The following KIAA1549 variants were observed in gnomAD, a reference collection of about 807,000 sequenced individuals.
KIAA1549 encodes KIAA1549.
KIAA1549 carries 70 observed loss-of-function variants against 156.4 expected under a neutral mutation model. The ratio of observed to expected loss-of-function variants is 0.45; its 90% CI spans 0.37 to 0.55. KIAA1549 has a LOEUF of 0.55. Among genes scored for constraint, KIAA1549 ranks in the 20% least tolerant of loss-of-function variants. The pLI, the probability that KIAA1549 is intolerant of heterozygous loss-of-function variation, is 0.00. For synonymous variants in KIAA1549, 1,103 were observed against 1,066.4 expected (o/e 1.03, Z -0.67); for missense variants, 2,428 against 2,540.9 (o/e 0.96, Z 0.96).
At chr7:138,852,348 G>A in intron 16 of KIAA1549, 79 bp from the exon 17 acceptor site, 1 of 933,702 alleles carries the variant, frequency 1.1e-6, no homozygotes, top group Admixed American at 2.8e-5. Context: ...TATAAATTCA[G>A]CTTTACAGGA....
At chr7:138,851,787 G>A (rs1810241220) in intron 17 of KIAA1549, among the ~76,000 whole-genome samples, 1 of 152,082 alleles carries the variant, frequency 6.6e-6, no homozygotes, top group African/African-American at 2.4e-5. Flanking sequence ...TGTTTACCAG[G>A]GTCTCCCCTC....
intron 17 of KIAA1549, among the ~76,000 whole-genome samples, chr7:138,847,017 T>C (rs1810097436): frequency 6.6e-6 from 1 of 152,204 alleles, no homozygotes; most frequent in Non-Finnish European, 1.5e-5. Flanking sequence ...CCGTGAGGCA[T>C]GCTCCTCCTT....
rs774563155 is a variant in KIAA1549 at position 138,906,974 on chromosome 7, C to G, written c.3405G>C (p.Leu1135Phe). 22 of 1,613,118 alleles carry G rather than the reference C, an allele frequency of 1.4e-5. No individual in the cohort carries two copies. In the African/African-American group the frequency reaches 2.5e-4, roughly 19 times the overall value. Residue 1135 changes from leucine (L) to phenylalanine (F), a missense_variant, in exon 6 of 20, where the codon TTG (leucine) becomes TTC (phenylalanine). By Grantham distance (22) the Leu-to-Phe change is conservative. Coordinates refer to ENST00000422774, the MANE Select transcript of KIAA1549 (RefSeq NM_001164665.2). ...GATAGAAACTGAACTCCACCACACT[C>G]AAGTTTCTGAGCAGCTCGCTCACTT... ...GSEVSELLRN[L>F]SVVEFSFYLG... is the part of the protein sequence containing the mutation.
At chr7:138,870,728 T>C (rs1166141458) in intron 13 of KIAA1549, among the ~76,000 whole-genome samples, 1 of 152,234 alleles carries the variant, frequency 6.6e-6, no homozygotes, top group Admixed American at 6.5e-5. Context: ...TTAAGAATCC[T>C]TGTCAGCAGC....
chr7:138,965,806 C>A (rs1814006044), intron 1 of KIAA1549, among the ~76,000 whole-genome samples: 1 of 152,206 alleles, frequency 6.6e-6, no homozygotes, highest in African/African-American at 2.4e-5. Context: ...TTAATTTATA[C>A]CTTCTTTGTA....
chr7:138,901,977 G>A (rs972817709), intron 8 of KIAA1549, among the ~76,000 whole-genome samples: 13 of 152,036 alleles, frequency 8.6e-5, no homozygotes, highest in African/African-American at 2.7e-4. Context: ...ATACTTTCAC[G>A]GTGTCCTATA....
At position 138,852,202 on chromosome 7, in the gene KIAA1549, AT is replaced by A; in HGVS notation, c.5294+20del. The A allele has an allele frequency of 6.3e-7, 1 of 1,585,642 alleles. No individual in the cohort carries two copies. The highest frequency in any genetic ancestry group is 8.6e-7 in the Non-Finnish European group (1 of 1,156,720). On this transcript the variant is annotated intron_variant, in intron 17 of 19. Transcript: ENST00000422774. ...AGCCTATGTGAGAAAGTGATAATAC[AT>A]TTTGTTTTGAAAACCTTACCTTGGC...
At chr7:138,957,920 G>A (rs1412934571) in intron 1 of KIAA1549, among the ~76,000 whole-genome samples, 1 of 152,032 alleles carries the variant, frequency 6.6e-6, no homozygotes, top group East Asian at 1.9e-4. Flanking sequence ...CGTGCATTTC[G>A]CTATGGGTGC....
chr7:138,904,621 C>CAAAAA (rs768150554), intron 7 of KIAA1549, among the ~76,000 whole-genome samples: 1 of 45,732 alleles, frequency 2.2e-5, no homozygotes, highest in African/African-American at 6.2e-5. Flanking sequence ...TCCCCTAAGA[C>CAAAAA]AAAAAAAAAA....
At chr7:138,965,784 G>A (rs1814005175) in intron 1 of KIAA1549, among the ~76,000 whole-genome samples, 1 of 152,202 alleles carries the variant, frequency 6.6e-6, no homozygotes, top group Admixed American at 6.5e-5. Flanking sequence ...GATTTGGGGT[G>A]ATTTTTGCTT....
chr7:138,869,294 T>C (rs1584717152), intron 14 of KIAA1549, among the ~76,000 whole-genome samples: 1 of 151,810 alleles, frequency 6.6e-6, no homozygotes, highest in Non-Finnish European at 1.5e-5. Context: ...AGGGGCAGAG[T>C]TGAGAACAAA....
chr7:138,844,021 A>G lies in KIAA1549; in HGVS notation c.5452+296T>C, dbSNP rs118060541. On this transcript the variant is annotated intron_variant, in intron 18 of 19. Coordinates refer to ENST00000422774, the MANE Select transcript of KIAA1549 (RefSeq NM_001164665.2). ...TAACTCTTGTTTTCATGCCATCCAA[A>G]GTGCTCAGACCTAGATCTTTCCATT... is the stretch of plus-strand genomic sequence containing the variant. Among the ~76,000 whole-genome samples the G allele has an allele frequency of 8.2e-3, 1,252 of 152,310 alleles. 9 individuals are homozygous for G. The highest frequency in any genetic ancestry group is 0.013 in the Non-Finnish European group (886 of 68,026).
chr7:138,971,400 T>C (rs1338796492), intron 1 of KIAA1549, among the ~76,000 whole-genome samples: 2 of 152,220 alleles, frequency 1.3e-5, no homozygotes, highest in African/African-American at 2.4e-5. Flanking sequence ...CTCAAATGAA[T>C]GCCTCCACTC....
At chr7:138,847,931 T>A (rs1810126495) in intron 17 of KIAA1549, among the ~76,000 whole-genome samples, 1 of 71,876 alleles carries the variant, frequency 1.4e-5, no homozygotes, top group African/African-American at 5.7e-5. Context: ...AGGTGTTTTA[T>A]ATTCTAAGTG....
intron 8 of KIAA1549, among the ~76,000 whole-genome samples, chr7:138,900,667 A>T (rs1195842747): frequency 6.6e-6 from 1 of 152,110 alleles, no homozygotes; most frequent in African/African-American, 2.4e-5. Flanking sequence ...ATCCCTCATG[A>T]ATGGTTTGGT....
At chr7:138,852,339 A>G in intron 16 of KIAA1549, 70 bp from the exon 17 acceptor site, 4 of 1,051,216 alleles carry the variant, frequency 3.8e-6, no homozygotes, top group Non-Finnish European at 5.5e-6. Flanking sequence ...CAGCAAACTT[A>G]TAAATTCAGC....
intron 1 of KIAA1549, among the ~76,000 whole-genome samples, chr7:138,926,692 A>T (rs1812729792): frequency 6.6e-6 from 1 of 152,188 alleles, no homozygotes; most frequent in Non-Finnish European, 1.5e-5. Flanking sequence ...TTCCTGGTTT[A>T]GAAAAAAGTG....
intron 1 of KIAA1549, among the ~76,000 whole-genome samples, chr7:138,937,983 T>A (rs1214404752): frequency 6.6e-6 from 1 of 152,162 alleles, no homozygotes; most frequent in Non-Finnish European, 1.5e-5. Flanking sequence ...GGAATCATAC[T>A]GCTATAGTCT....
chr7:138,941,943 T>A (rs1813195135), intron 1 of KIAA1549, among the ~76,000 whole-genome samples: 1 of 150,588 alleles, frequency 6.6e-6, no homozygotes, highest in Non-Finnish European at 1.5e-5. Flanking sequence ...TAAAAGTGAC[T>A]CAAATGTTAA....
Sources: allele counts gnomAD v4.1 joint callset (sites outside exome capture counted in the v4.1 genomes callset), GRCh38; gene constraint gnomAD v4.1.1; transcripts MANE v1.5; gene names NCBI Gene and HGNC (gene_info 2026-07-23, HGNC 2026-07-21).